WWOX: variants seen among roughly 807,000 people sequenced by gnomAD.
WWOX encodes the protein WW domain-containing oxidoreductase.
In WWOX, 69 loss-of-function variants were observed where a neutral mutation model predicts 46.2. The observed-to-expected ratio is 1.49, with a 90% CI of 1.23 to 1.82. The LOEUF (loss-of-function observed/expected upper bound fraction) is 1.82. Among genes scored for constraint, WWOX ranks in the 40% most tolerant of loss-of-function variants. The pLI is 0.00. For missense variants in WWOX, 919 were observed against 542.6 expected, an observed-to-expected ratio of 1.69 and a Z score of -6.89; for synonymous variants, 359 against 202.6, an observed-to-expected ratio of 1.77 and a Z score of -6.56.
At chr16:78,336,555 G>C (rs1428225289) in intron 5 of WWOX, among the ~76,000 whole-genome samples, 1 of 150,840 alleles carries the variant, frequency 6.6e-6, no homozygotes, top group Admixed American at 6.6e-5. Flanking sequence ...ATAACAGAGG[G>C]AGCAAAGGAG....
intron 8 of WWOX, among the ~76,000 whole-genome samples, chr16:78,696,191 C>G (rs1044602703): frequency 6.6e-6 from 1 of 152,176 alleles, no homozygotes; most frequent in African/African-American, 2.4e-5. Context: ...CCGGGCAAGT[C>G]TTTTTAACTC....
chr16:78,367,688 G>T (rs1185859037), intron 5 of WWOX, among the ~76,000 whole-genome samples: 1 of 152,058 alleles, frequency 6.6e-6, no homozygotes, highest in Non-Finnish European at 1.5e-5. Context: ...CAGCAGTACT[G>T]TTTTGGAAGG....
chr16:78,205,124 C>T (rs2036351292), intron 5 of WWOX, among the ~76,000 whole-genome samples: 1 of 152,116 alleles, frequency 6.6e-6, no homozygotes, highest in Non-Finnish European at 1.5e-5. Flanking sequence ...TATTAAAGAA[C>T]TCTGTGGTGA....
Position 78,260,475 on chromosome 16 carries a change from G to A in WWOX, c.516+96186G>A, listed in dbSNP as rs142173491. On this transcript the variant is annotated intron_variant, in intron 5 of 8. Coordinates refer to ENST00000566780, the MANE Select transcript of WWOX (RefSeq NM_016373.4). ...AGGCCAGGAGTTTGAGACCAGCCTG[G>A]CCAACATGGTAAAACCCTGTCTCCA... Among the ~76,000 whole-genome samples the A allele has an allele frequency of 9.2e-5, 14 of 151,424 alleles. 1 individual carries two copies. The East Asian group carries it at 2.7e-3, about 29-fold the overall frequency.
Position 78,639,216 on chromosome 16 carries a change from G to A in WWOX, c.1056+206464G>A, listed in dbSNP as rs75536851. Among the ~76,000 whole-genome samples, 1,219 of 152,286 alleles carry A rather than the reference G, an allele frequency of 8.0e-3. 9 individuals carry two copies. The highest frequency in any genetic ancestry group is 0.024 in the Middle Eastern group (7 of 294). On this transcript the variant is annotated intron_variant, in intron 8 of 8. Coordinates refer to ENST00000566780, the MANE Select transcript of WWOX (RefSeq NM_016373.4). ...ATGTACAAAGTACTTCTGCATGTGC[G>A]CAAAGTCCTGTAGGCCCAGGCATCA...
intron 8 of WWOX, among the ~76,000 whole-genome samples, chr16:79,181,818 G>C (rs2050917680): frequency 6.6e-6 from 1 of 152,132 alleles, no homozygotes; most frequent in Admixed American, 6.5e-5. Flanking sequence ...GCAGGTTTAG[G>C]CTGCATGTTT....
At chr16:78,624,788 G>T (rs918121868) in intron 8 of WWOX, among the ~76,000 whole-genome samples, 1 of 152,200 alleles carries the variant, frequency 6.6e-6, no homozygotes, top group Non-Finnish European at 1.5e-5. Flanking sequence ...AATGGTGAAC[G>T]AGAAGGTATT....
Position 78,368,433 on chromosome 16 carries a change from G to A in WWOX, c.517-18427G>A, listed in dbSNP as rs2081590677. 2.0e-5 allele frequency among the ~76,000 whole-genome samples: 3 copies of A among 152,202 alleles called. No homozygotes were observed. In the South Asian group the frequency reaches 6.2e-4, roughly 32 times the overall value. On this transcript the variant is annotated intron_variant, in intron 5 of 8. Transcript: ENST00000566780. ...ACTCATAAAGTCACTGCTGTCCTTTGGTTTTCCTGATGTACCAAATGTAGT... is the reference window on the plus strand; with the variant it reads ...ACTCATAAAGTCACTGCTGTCCTTTAGTTTTCCTGATGTACCAAATGTAGT...
intron 8 of WWOX, among the ~76,000 whole-genome samples, chr16:78,919,268 C>T (rs1205648124): frequency 6.6e-6 from 1 of 151,940 alleles, no homozygotes; most frequent in African/African-American, 2.4e-5. Flanking sequence ...ACTCTTAGCC[C>T]ACTTTTATAG....
At chr16:78,319,468 C>T (rs2080421445) in intron 5 of WWOX, among the ~76,000 whole-genome samples, 1 of 151,850 alleles carries the variant, frequency 6.6e-6, no homozygotes, top group South Asian at 2.1e-4. Context: ...CATCATGTTG[C>T]CCAGGCTGGT....
At chr16:78,355,604 G>T in intron 5 of WWOX, 3 of 547,136 alleles carry the variant, frequency 5.5e-6, no homozygotes, top group Non-Finnish European at 1.1e-5. Context: ...CAGCCCAGAG[G>T]AGCGAATTTG....
chr16:78,319,088 G>C (rs897342860), intron 5 of WWOX, among the ~76,000 whole-genome samples: 2 of 152,104 alleles, frequency 1.3e-5, no homozygotes, highest in East Asian at 3.9e-4. Context: ...TCCTAAAAGG[G>C]GGAGAGAGAG....
At chr16:78,993,820 G>A (rs150181248) in intron 8 of WWOX, among the ~76,000 whole-genome samples, 1 of 152,336 alleles carries the variant, frequency 6.6e-6, no homozygotes, top group Non-Finnish European at 1.5e-5. Flanking sequence ...ATCGGAACCT[G>A]CAAGAAGCCA....
rs2081072994 is a variant in WWOX, at chr16:78,345,167, A to AT, written c.517-41692dup. On this transcript the variant is annotated intron_variant, in intron 5 of 8. Transcript: ENST00000566780. ...CGATCAGGTGGCTGAGGAGCAGTAC[A>AT]TGGGGGTATACAGAGTGCAGGCCTC... Among the ~76,000 whole-genome samples the AT allele has an allele frequency of 3.4e-5, 4 of 117,862 alleles. 2 individuals are homozygous for AT. The highest frequency in any genetic ancestry group is 3.3e-4 in the Admixed American group (4 of 11,944). The allele number at this position is 117,862 out of a possible 152,430, so 77.3% of individuals were successfully genotyped here. A position where few individuals can be genotyped will look rare whatever the true frequency, so the allele number is the denominator to read the frequency against.
chr16:79,108,396 C>G (rs1036687060), intron 8 of WWOX, among the ~76,000 whole-genome samples: 19 of 152,192 alleles, frequency 1.2e-4, no homozygotes, highest in African/African-American at 4.6e-4. Context: ...CTGGTGTCTA[C>G]CTGACCACCC....
chr16:78,359,314 C>T (rs1180498646), intron 5 of WWOX, among the ~76,000 whole-genome samples: 2 of 152,116 alleles, frequency 1.3e-5, no homozygotes, highest in African/African-American at 4.8e-5. Flanking sequence ...AAAGTTTTAG[C>T]ATTTTACATA....
At chr16:79,009,079 C>A (rs576337496) in intron 8 of WWOX, among the ~76,000 whole-genome samples, 1 of 152,208 alleles carries the variant, frequency 6.6e-6, no homozygotes, top group African/African-American at 2.4e-5. Flanking sequence ...ATCCACGGAG[C>A]TGGCAGAGGG....
At chr16:78,493,216 C>A (rs1279614379) in intron 8 of WWOX, among the ~76,000 whole-genome samples, 2 of 152,164 alleles carry the variant, frequency 1.3e-5, no homozygotes, top group Non-Finnish European at 2.9e-5. Context: ...CCATTGTCTT[C>A]CTGGACCTGA....
intron 8 of WWOX, among the ~76,000 whole-genome samples, chr16:79,195,444 C>G (rs78416455): frequency 0.022 from 3,341 of 152,178 alleles, 135 homozygotes; most frequent in African/African-American, 0.076. Flanking sequence ...GTAGGGAGCT[C>G]GCTTTGGCTG....
Sources: allele counts gnomAD v4.1 joint callset (sites outside exome capture counted in the v4.1 genomes callset), GRCh38; gene constraint gnomAD v4.1.1; transcripts MANE v1.5; gene names NCBI Gene and HGNC (gene_info 2026-07-23, HGNC 2026-07-21).